Variants in KCNC4 observed in about 807,000 individuals in gnomAD.
KCNC4 encodes voltage-gated potassium channel KCNC4.
Under a neutral mutation model 42.8 loss-of-function variants are expected in KCNC4, and 23 were observed. That is an observed-to-expected ratio of 0.54 (90% CI 0.39 to 0.76). The LOEUF is 0.76. Among genes scored for constraint, KCNC4 ranks in the 30% least tolerant of loss-of-function variants. The pLI is 0.00. For missense variants in KCNC4, 751 were observed against 898.2 expected, an observed-to-expected ratio of 0.84 and a Z score of 2.10; for synonymous variants, 422 against 393.5, an observed-to-expected ratio of 1.07 and a Z score of -0.86.
intron 1 of KCNC4, among the ~76,000 whole-genome samples, chr1:110,268,851 T>C (rs1230939077): frequency 6.6e-6 from 1 of 151,042 alleles, no homozygotes; most frequent in Non-Finnish European, 1.5e-5. Context: ...CCTCAGCCTC[T>C]CTGAGTAGCT....
intron 3 of KCNC4, among the ~76,000 whole-genome samples, chr1:110,229,490 C>T (rs1163827036): frequency 6.6e-6 from 1 of 152,306 alleles, no homozygotes; most frequent in Non-Finnish European, 1.5e-5. Flanking sequence ...TCGCTCTCCA[C>T]GCTGCTTCCT....
chr1:110,264,608 CT>C (rs1469026495), intron 1 of KCNC4, among the ~76,000 whole-genome samples: 16 of 152,216 alleles, frequency 1.1e-4, no homozygotes, highest in Admixed American at 3.3e-4. Context: ...CCAAACATGA[CT>C]TTAACTTCCT....
chr1:110,260,052 G>A (rs1659398411), intron 1 of KCNC4, among the ~76,000 whole-genome samples: 1 of 152,162 alleles, frequency 6.6e-6, no homozygotes, highest in Admixed American at 6.5e-5. Flanking sequence ...CTCTTTGACT[G>A]TTCATCTGTA....
chr1:110,281,839 A>T (rs1195822893), intron 1 of KCNC4, among the ~76,000 whole-genome samples: 1 of 152,246 alleles, frequency 6.6e-6, no homozygotes, highest in Non-Finnish European at 1.5e-5. Context: ...GAACCCAGCC[A>T]GCCTCAGGGA....
In KCNC4 at chr1:110,212,021, C is replaced by G; in HGVS notation, c.522C>G (p.Ser174Arg). ...GAGGCGGCAGCGGCGCGGGGCCCAG[C>G]GACGAGGCCGGCGACGATGAGCGGG... is the stretch of plus-strand genomic sequence containing the variant. ...PDGGGSGAGP[S>R]DEAGDDEREL... Residue 174 changes from serine to arginine, a missense_variant, in exon 1 of 4, where the codon AGC becomes AGG. Physicochemically the swap from Ser to Arg is moderately radical, Grantham distance 110 (BLOSUM62 -1). Transcript: ENST00000438661. The G allele has an allele frequency of 6.3e-7, 1 of 1,596,556 alleles. No homozygotes were observed.
At chr1:110,273,584 GC>G (rs1659670977) in intron 1 of KCNC4, among the ~76,000 whole-genome samples, 1 of 152,172 alleles carries the variant, frequency 6.6e-6, no homozygotes, top group Non-Finnish European at 1.5e-5. Context: ...GCTCCTCCCT[GC>G]CCACTGATGG....
intron 1 of KCNC4, among the ~76,000 whole-genome samples, chr1:110,265,503 G>T (rs1659526763): frequency 6.6e-6 from 1 of 152,184 alleles, no homozygotes; most frequent in Non-Finnish European, 1.5e-5. Flanking sequence ...TTTAGAGAGG[G>T]CTGCCCAAGA....
intron 1 of KCNC4, among the ~76,000 whole-genome samples, chr1:110,279,338 G>C (rs1188324370): frequency 6.6e-6 from 1 of 152,198 alleles, no homozygotes; most frequent in African/African-American, 2.4e-5. Context: ...GGTTGGGAGA[G>C]ATAATGAATG....
chr1:110,273,938 C>A (rs1239374446), intron 1 of KCNC4, among the ~76,000 whole-genome samples: 1 of 152,138 alleles, frequency 6.6e-6, no homozygotes, highest in Non-Finnish European at 1.5e-5. Flanking sequence ...ACATAAGGAG[C>A]TTCCTTAGGA....
intron 1 of KCNC4, among the ~76,000 whole-genome samples, chr1:110,278,776 C>A (rs1557877051): frequency 6.6e-6 from 1 of 152,112 alleles, no homozygotes; most frequent in Non-Finnish European, 1.5e-5. Flanking sequence ...CAGCAGAACA[C>A]CCATCATCAT....
chr1:110,256,542 C>T (rs1227768848), intron 1 of KCNC4, among the ~76,000 whole-genome samples: 1 of 152,228 alleles, frequency 6.6e-6, no homozygotes, highest in East Asian at 1.9e-4. Context: ...CACGCTGTGT[C>T]AGGCAGTGGA....
intron 1 of KCNC4, among the ~76,000 whole-genome samples, chr1:110,256,580 T>C (rs1363846978): frequency 6.6e-6 from 1 of 152,246 alleles, no homozygotes; most frequent in Non-Finnish European, 1.5e-5. Context: ...TTAGTTGTGA[T>C]TAATGAAGAC....
intron 3 of KCNC4, 120 bp from the exon 4 acceptor site, chr1:110,232,791 C>T (rs1028425929): frequency 2.0e-5 from 31 of 1,542,750 alleles, no homozygotes; most frequent in African/African-American, 1.4e-4. Flanking sequence ...TTCCTTCTAA[C>T]GTCTCATTCT....
exon 4 of KCNC4, chr1:110,248,265 G>C (rs936728234): frequency 2.0e-5 from 3 of 152,168 alleles, no homozygotes; most frequent in African/African-American, 7.2e-5. Flanking sequence ...AATTTCTCCT[G>C]TTTGTTTTTA....
At chr1:110,221,744 C>G (rs1658105311) in intron 1 of KCNC4, 1 of 152,186 alleles carries the variant, frequency 6.6e-6, no homozygotes, top group Non-Finnish European at 1.5e-5. Flanking sequence ...GGCCACAGAC[C>G]TCCCTTACCC....
At chr1:110,263,264 T>G (rs1367461327) in intron 1 of KCNC4, among the ~76,000 whole-genome samples, 1 of 152,108 alleles carries the variant, frequency 6.6e-6, no homozygotes, top group Non-Finnish European at 1.5e-5. Flanking sequence ...ATAACAGCTG[T>G]TCTGGGCCAA....
At chr1:110,212,301 G>A (rs1657520455) in intron 1 of KCNC4, 124 bp downstream of exon 1, 1 of 1,064,946 alleles carries the variant, frequency 9.4e-7, no homozygotes, top group Non-Finnish European at 1.2e-6. Flanking sequence ...GATTGTTCCC[G>A]CCTTCCTCTC....
chr1:110,212,688 C>T (rs1657555556), intron 1 of KCNC4, among the ~76,000 whole-genome samples: 1 of 152,212 alleles, frequency 6.6e-6, no homozygotes. Context: ...CTATGCACTT[C>T]AGAGAGGAGG....
chr1:110,215,316 C>A (rs956419420), intron 1 of KCNC4, among the ~76,000 whole-genome samples: 1 of 152,194 alleles, frequency 6.6e-6, no homozygotes, highest in Admixed American at 6.5e-5. Context: ...TTTCTGTGGC[C>A]TGAGCTGGGA....
Sources: gnomAD v4.1 joint callset for allele counts (sites outside exome capture counted in the v4.1 genomes callset) on GRCh38, gnomAD v4.1.1 for gene constraint, MANE v1.5 for transcripts, NCBI Gene and HGNC (gene_info 2026-07-23, HGNC 2026-07-21) for gene names.